The following FBXO25 variants were observed in gnomAD, a reference collection of about 807,000 sequenced individuals.
FBXO25 encodes F-box protein 25, also known as F-box only protein 25.
FBXO25 carries 45 observed loss-of-function variants against 51.9 expected under a neutral mutation model. The ratio of observed to expected loss-of-function variants is 0.87; its 90% CI spans 0.68 to 1.11. The LOEUF (loss-of-function observed/expected upper bound fraction) is 1.11. FBXO25 is among the 50% of genes most tolerant of loss of function. FBXO25 has a pLI of 0.00. For missense variants in FBXO25, 507 were observed against 428.5 expected, an observed-to-expected ratio of 1.18 and a Z score of -1.62; for synonymous variants, 199 against 151.0, an observed-to-expected ratio of 1.32 and a Z score of -2.33.
intron 2 of FBXO25, 73 bp downstream of exon 2, chr8:413,286 C>T (rs1796597700): frequency 7.2e-7 from 1 of 1,387,554 alleles, no homozygotes; most frequent in Non-Finnish European, 9.4e-7. Context: ...TTTCAAGTCC[C>T]TGCAAAGCTC....
In FBXO25 at chr8:475,156, T is replaced by C. The variant is rs1800604271; in HGVS notation, c.*6352T>C. 5.7e-6 allele frequency: 2 copies of C among 348,326 alleles called. No homozygotes were observed. Among genetic ancestry groups the C allele is most frequent in the African/African-American group, 4.3e-5 (2 of 46,354 alleles). The allele number at this position is 348,326 out of a possible 1,614,324, so 21.6% of individuals were successfully genotyped here. On this transcript the variant is annotated 3_prime_UTR_variant, in exon 10 of 10. Transcript: ENST00000350302. ...ATATATGGTGTGAGGTAGATCTAGC[T>C]TCATGTGGATGTCCACTTGTCTAGC... is the stretch of plus-strand genomic sequence containing the variant.
intron 2 of FBXO25, among the ~76,000 whole-genome samples, chr8:415,174 TAGAAAA>T (rs1319236250): frequency 6.6e-6 from 1 of 152,226 alleles, no homozygotes; most frequent in East Asian, 1.9e-4. Flanking sequence ...TTTCAAAACT[TAGAAAA>T]AGAACTATAG....
chr8:471,766 C>G lies in FBXO25; in HGVS notation c.*2962C>G, dbSNP rs187881082. ...ATTGGAAAGCCATGCAGTAGCCTCT[C>G]AGGAGCAGACCGATTTGTAGCTGTC... On this transcript the variant is annotated 3_prime_UTR_variant, in exon 10 of 10. Transcript: ENST00000350302. 1 of 152,336 alleles carries G rather than the reference C, an allele frequency of 6.6e-6. No individual in the cohort carries two copies. Among genetic ancestry groups the G allele is most frequent in the African/African-American group, 2.4e-5 (1 of 41,568 alleles). The allele number at this position is 152,336 out of a possible 1,614,324, so 9.4% of individuals were successfully genotyped here. A position where few individuals can be genotyped will look rare whatever the true frequency, so the allele number is the denominator to read the frequency against.
intron 1 of FBXO25, among the ~76,000 whole-genome samples, chr8:412,373 T>C (rs1193863722): frequency 2.0e-5 from 3 of 152,184 alleles, no homozygotes; most frequent in Non-Finnish European, 4.4e-5. Flanking sequence ...ATTTCTGCAG[T>C]CTCTGCTCTT....
At chr8:459,392 G>A (rs1161009169) in intron 8 of FBXO25, among the ~76,000 whole-genome samples, 3 of 152,236 alleles carry the variant, frequency 2.0e-5, no homozygotes, top group African/African-American at 7.2e-5. Flanking sequence ...GGAGGGTGCT[G>A]TGTGTTTGGT....
intron 7 of FBXO25, among the ~76,000 whole-genome samples, chr8:457,291 G>A (rs1323730308): frequency 6.6e-6 from 1 of 152,160 alleles, no homozygotes; most frequent in Non-Finnish European, 1.5e-5. Context: ...ATACAACTGA[G>A]CCCTGAAAAG....
At chr8:408,089 C>G (rs943561604) in intron 1 of FBXO25, among the ~76,000 whole-genome samples, 1 of 152,176 alleles carries the variant, frequency 6.6e-6, no homozygotes, top group African/African-American at 2.4e-5. Context: ...CTGTGATTAT[C>G]TGTAAGTCCT....
chr8:441,877 G>T (rs1798445710), intron 5 of FBXO25, among the ~76,000 whole-genome samples: 1 of 152,150 alleles, frequency 6.6e-6, no homozygotes, highest in South Asian at 2.1e-4. Context: ...TGGAGAGGAC[G>T]TGGAGAAATA....
chr8:443,166 C>T (rs899334047), intron 5 of FBXO25, among the ~76,000 whole-genome samples: 15 of 151,102 alleles, frequency 9.9e-5, no homozygotes, highest in African/African-American at 2.9e-4. Context: ...TTGCTGACGA[C>T]GGTGGATAGG....
intron 2 of FBXO25, among the ~76,000 whole-genome samples, chr8:416,906 G>A (rs950016550): frequency 6.6e-6 from 1 of 152,218 alleles, no homozygotes; most frequent in Non-Finnish European, 1.5e-5. Flanking sequence ...GTATGTGGGA[G>A]ATAAGAAATG....
intron 6 of FBXO25, among the ~76,000 whole-genome samples, 156 bp downstream of exon 6, chr8:450,239 G>C (rs1468656922): frequency 1.3e-5 from 2 of 152,190 alleles, no homozygotes; most frequent in African/African-American, 4.8e-5. Flanking sequence ...CATCCTTCCA[G>C]TTCCCAGTGT....
intron 9 of FBXO25, among the ~76,000 whole-genome samples, chr8:465,529 C>G (rs1019876758): frequency 6.6e-6 from 1 of 152,170 alleles, no homozygotes; most frequent in African/African-American, 2.4e-5. Context: ...GAGCAACTAA[C>G]AAAGAAATAC....
At chr8:443,448 T>C (rs1236936495) in intron 5 of FBXO25, among the ~76,000 whole-genome samples, 28 of 151,124 alleles carry the variant, frequency 1.9e-4, no homozygotes, top group African/African-American at 6.4e-4. Flanking sequence ...TGTAACAGTT[T>C]AGTTTCAGAT....
chr8:437,465 C>CCT (rs1798168511), intron 5 of FBXO25, among the ~76,000 whole-genome samples: 1 of 152,252 alleles, frequency 6.6e-6, no homozygotes, highest in Admixed American at 6.5e-5. Context: ...CATCTGTGCT[C>CCT]CTGCTCTGTG....
At chr8:434,830 A>G (rs973611144) in intron 4 of FBXO25, among the ~76,000 whole-genome samples, 1 of 152,222 alleles carries the variant, frequency 6.6e-6, no homozygotes, top group African/African-American at 2.4e-5. Flanking sequence ...ATGGAAGAAA[A>G]ACATCTAAGA....
chr8:453,930 C>T (rs974377415), intron 7 of FBXO25, among the ~76,000 whole-genome samples: 2 of 152,104 alleles, frequency 1.3e-5, no homozygotes, highest in Admixed American at 1.3e-4. Flanking sequence ...TCGAGACCAG[C>T]CTGGCCAGCA....
intron 9 of FBXO25, chr8:468,338 G>A (rs916205539): frequency 3.3e-6 from 3 of 912,496 alleles, no homozygotes; most frequent in African/African-American, 3.6e-5. Flanking sequence ...GGAACAGGAG[G>A]ACAGGACAAA....
In FBXO25 at chr8:451,306, T is replaced by A. The variant is rs1158835688; in HGVS notation, c.513T>A (p.Asp171Glu). The change falls in exon 7 of 10, where the codon GAT becomes GAA. Residue 171 changes from aspartate to glutamate, a missense_variant. Transcript: ENST00000350302. ...ACCACAATCCTCGCTTAATCAAAGA[T>A]CTTCTGCAAGACCTAAGCTCTACCC... ...DDHHNPRLIKDLLQDLSSTLC... is the reference protein window; with the variant it reads ...DDHHNPRLIKELLQDLSSTLC... The A allele has an allele frequency of 6.2e-7, 1 of 1,610,754 alleles. No homozygotes were observed. The highest frequency in any genetic ancestry group is 1.7e-5 in the Admixed American group (1 of 58,838).
chr8:411,807 G>A (rs552237685), intron 1 of FBXO25, among the ~76,000 whole-genome samples: 70 of 152,184 alleles, frequency 4.6e-4, no homozygotes, highest in South Asian at 1.7e-3. Context: ...AGCCTTTCTG[G>A]GATGTGACAT....
Sources: gnomAD v4.1 joint callset for allele counts (sites outside exome capture counted in the v4.1 genomes callset) on GRCh38, gnomAD v4.1.1 for gene constraint, MANE v1.5 for transcripts, NCBI Gene and HGNC (gene_info 2026-07-23, HGNC 2026-07-21) for gene names.